Variants in ASTN2 observed in about 807,000 individuals in gnomAD.
The protein encoded by ASTN2 is astrotactin 2, also known as astrotactin-2.
Under a neutral mutation model 139.8 loss-of-function variants are expected in ASTN2, and 54 were observed. The observed-to-expected ratio is 0.39, with a 90% CI of 0.31 to 0.48. The LOEUF (loss-of-function observed/expected upper bound fraction) is 0.48. Among genes scored for constraint, ASTN2 ranks in the 20% least tolerant of loss-of-function variants. The pLI is 0.95. For synonymous variants in ASTN2, 756 were observed against 719.5 expected (o/e 1.05, Z -0.81); for missense variants, 1,565 against 1,725.1 (o/e 0.91, Z 1.64).
At chr9:117,210,147 T>C (rs563334199) in intron 3 of ASTN2, among the ~76,000 whole-genome samples, 1 of 151,950 alleles carries the variant, frequency 6.6e-6, no homozygotes, top group South Asian at 2.1e-4. Flanking sequence ...ACCTCAAGGA[T>C]ATAGGAAAGC....
intron 20 of ASTN2, among the ~76,000 whole-genome samples, chr9:116,463,247 A>G (rs111636557): frequency 8.7e-4 from 132 of 152,052 alleles, no homozygotes; most frequent in African/African-American, 3.1e-3. Flanking sequence ...TACATCCCAC[A>G]CCACCCTAAT....
intron 1 of ASTN2, among the ~76,000 whole-genome samples, chr9:117,327,203 G>T (rs1030771491): frequency 3.3e-5 from 5 of 152,144 alleles, no homozygotes; most frequent in African/African-American, 1.2e-4. Context: ...GCTGCCCACT[G>T]CTCACCTCCT....
At chr9:116,906,902 C>A (rs893391040) in intron 10 of ASTN2, among the ~76,000 whole-genome samples, 2 of 152,092 alleles carry the variant, frequency 1.3e-5, no homozygotes, top group African/African-American at 4.8e-5. Context: ...AAATCTATAG[C>A]CCCTTAAAAT....
intron 9 of ASTN2, 117 bp downstream of exon 9, chr9:116,975,997 T>C (rs1305694042): frequency 7.6e-6 from 7 of 917,640 alleles, no homozygotes; most frequent in Non-Finnish European, 1.2e-5. Context: ...AGTTCTTTTG[T>C]ACTCAGTGCA....
chr9:117,246,116 A>G (rs184249709), intron 2 of ASTN2, among the ~76,000 whole-genome samples: 36 of 151,206 alleles, frequency 2.4e-4, no homozygotes, highest in African/African-American at 8.8e-4. Flanking sequence ...CTGAACTAAG[A>G]GGCAAAAGGA....
intron 13 of ASTN2, among the ~76,000 whole-genome samples, chr9:116,802,850 G>A (rs1001844677): frequency 6.6e-6 from 1 of 152,206 alleles, no homozygotes; most frequent in African/African-American, 2.4e-5. Context: ...ATATGTCTGG[G>A]CCTTTGCAGG....
At chr9:116,701,880 G>GGTTT (rs560034509) in intron 16 of ASTN2, among the ~76,000 whole-genome samples, 1 of 133,348 alleles carries the variant, frequency 7.5e-6, no homozygotes, top group African/African-American at 2.8e-5. Context: ...AGTTTTTTGG[G>GGTTT]TTTTTTTTTT....
intron 19 of ASTN2, among the ~76,000 whole-genome samples, chr9:116,551,794 G>A (rs1445081879): frequency 6.6e-6 from 1 of 152,096 alleles, no homozygotes; most frequent in Non-Finnish European, 1.5e-5. Flanking sequence ...AGTTCAATAA[G>A]GCTAGAAAAG....
intron 1 of ASTN2, among the ~76,000 whole-genome samples, chr9:117,326,168 G>GTT (rs904084467): frequency 1.3e-5 from 2 of 149,064 alleles, no homozygotes; most frequent in African/African-American, 4.9e-5. Context: ...AAACTTCTCT[G>GTT]TTTTTTTTTT....
intron 20 of ASTN2, among the ~76,000 whole-genome samples, chr9:116,470,735 G>T (rs750007320): frequency 6.6e-6 from 1 of 152,204 alleles, no homozygotes; most frequent in Non-Finnish European, 1.5e-5. Flanking sequence ...ATTGTGGAGT[G>T]AAGATGAATA....
chr9:116,853,039 G>C (rs1041161246), intron 11 of ASTN2, among the ~76,000 whole-genome samples: 2 of 152,062 alleles, frequency 1.3e-5, no homozygotes, highest in Non-Finnish European at 2.9e-5. Context: ...ACAACTGTAT[G>C]CTTTTTATGC....
At chr9:116,710,046 C>G (rs753952901) in intron 16 of ASTN2, among the ~76,000 whole-genome samples, 9 of 152,162 alleles carry the variant, frequency 5.9e-5, no homozygotes, top group Non-Finnish European at 1.2e-4. Flanking sequence ...TACTTACTCC[C>G]TCTTCTTCAG....
At chr9:117,306,721 T>A (rs1445661199) in intron 1 of ASTN2, among the ~76,000 whole-genome samples, 1 of 152,144 alleles carries the variant, frequency 6.6e-6, no homozygotes, top group Non-Finnish European at 1.5e-5. Context: ...CTATTATTTA[T>A]CTGAGAATAG....
chr9:116,546,593 G>A (rs1046604129), intron 19 of ASTN2: 1 of 152,098 alleles, frequency 6.6e-6, no homozygotes, highest in Non-Finnish European at 1.5e-5. Flanking sequence ...AGAAGAAAGG[G>A]ACTTGGCATT....
chr9:117,039,260 T>C (rs1384548079), intron 6 of ASTN2, among the ~76,000 whole-genome samples: 1 of 152,150 alleles, frequency 6.6e-6, no homozygotes, highest in African/African-American at 2.4e-5. Flanking sequence ...TAAAAAGGAA[T>C]GAGTTCATGT....
At chr9:117,097,887 A>G (rs1358294601) in intron 4 of ASTN2, among the ~76,000 whole-genome samples, 3 of 152,182 alleles carry the variant, frequency 2.0e-5, no homozygotes, top group Admixed American at 1.3e-4. Context: ...TTCTAGCAAC[A>G]TTGTTGCACA....
In ASTN2 at chr9:116,976,025, C is replaced by G; in HGVS notation, c.1751+89G>C. The stretch of plus-strand genomic sequence containing the variant: ...TCAGTGCAGCTCAGAAGTGCACAGG[C>G]TCAATAGTCTAAGGATCCATGACCA... On this transcript the variant is annotated intron_variant, in intron 9 of 22. Transcript: ENST00000313400. 2.3e-6 allele frequency: 3 copies of G among 1,277,060 alleles called. No individual in the cohort carries two copies. The South Asian group carries it at 3.7e-5, about 16-fold the overall frequency. The allele number at this position is 1,277,060 out of a possible 1,614,324, so 79.1% of individuals were successfully genotyped here. A position where few individuals can be genotyped will look rare whatever the true frequency, so the allele number is the denominator to read the frequency against.
At chr9:117,036,019 T>C (rs765610336) in intron 6 of ASTN2, among the ~76,000 whole-genome samples, 6 of 152,194 alleles carry the variant, frequency 3.9e-5, no homozygotes, top group Admixed American at 6.5e-5. Flanking sequence ...TACCATTTGT[T>C]GGGCTATCAC....
At chr9:116,566,345 T>A (rs2131677129) in intron 19 of ASTN2, among the ~76,000 whole-genome samples, 1 of 152,266 alleles carries the variant, frequency 6.6e-6, no homozygotes, top group Non-Finnish European at 1.5e-5. Context: ...ATCAGCTCAA[T>A]CCTTTGTTTT....
Sources: allele counts gnomAD v4.1 joint callset (sites outside exome capture counted in the v4.1 genomes callset), GRCh38; gene constraint gnomAD v4.1.1; transcripts MANE v1.5; gene names NCBI Gene and HGNC (gene_info 2026-07-23, HGNC 2026-07-21).